The following DAB1 variants were observed in gnomAD, a reference collection of about 807,000 sequenced individuals.
The protein encoded by DAB1 is DAB adaptor protein 1.
Under a neutral mutation model 64.6 loss-of-function variants are expected in DAB1, and 15 were observed. That is an observed-to-expected ratio of 0.23 (90% CI 0.16 to 0.36). The LOEUF is 0.36. Ranked by LOEUF, DAB1 falls within the 10% of genes least tolerant of loss-of-function variation. DAB1 has a pLI of 1.00. For synonymous variants in DAB1, 235 were observed against 251.9 expected (o/e 0.93, Z 0.64); for missense variants, 596 against 706.7 (o/e 0.84, Z 1.78).
At chr1:57,960,491 A>T (rs1645492057) in intron 5 of DAB1, among the ~76,000 whole-genome samples, 1 of 127,326 alleles carries the variant, frequency 7.9e-6, no homozygotes. Flanking sequence ...AAGGAACCAA[A>T]TTAAAAAAAA....
chr1:58,530,686 A>C (rs764391489), intron 1 of DAB1: 10 of 872,744 alleles, frequency 1.1e-5, no homozygotes, highest in Non-Finnish European at 1.8e-5. Flanking sequence ...GAGGAAAATC[A>C]TACCTAGGAA....
intron 4 of DAB1, among the ~76,000 whole-genome samples, chr1:58,268,309 A>G (rs1661225354): frequency 6.6e-6 from 1 of 152,182 alleles, no homozygotes; most frequent in African/African-American, 2.4e-5. Context: ...TATATTTAAG[A>G]CCTGAGTGAA....
chr1:58,221,773 A>G (rs1659183518), intron 4 of DAB1, among the ~76,000 whole-genome samples: 1 of 152,216 alleles, frequency 6.6e-6, no homozygotes, highest in Admixed American at 6.5e-5. Flanking sequence ...CTCTGTGCCA[A>G]TGATGGCCAG....
At chr1:57,651,652 T>G (rs1394327085) in intron 6 of DAB1, among the ~76,000 whole-genome samples, 1 of 151,082 alleles carries the variant, frequency 6.6e-6, no homozygotes, top group African/African-American at 2.5e-5. Context: ...ACGGGTTTAT[T>G]GTAGAAAACA....
At chr1:57,040,929 G>A (rs1647692075) in intron 9 of DAB1, among the ~76,000 whole-genome samples, 1 of 152,204 alleles carries the variant, frequency 6.6e-6, no homozygotes, top group African/African-American at 2.4e-5. Flanking sequence ...ACTTCTCAGA[G>A]TCAGTCATCT....
chr1:57,272,953 C>T (rs1671129727), intron 2 of DAB1, among the ~76,000 whole-genome samples: 1 of 152,150 alleles, frequency 6.6e-6, no homozygotes, highest in South Asian at 2.1e-4. Flanking sequence ...CTTGGGCTAT[C>T]AATGTAATAG....
chr1:57,389,115 A>C (rs754948041), intron 1 of DAB1, among the ~76,000 whole-genome samples: 1 of 152,140 alleles, frequency 6.6e-6, no homozygotes, highest in Non-Finnish European at 1.5e-5. Flanking sequence ...TGCACCCCCA[A>C]ACACAGCCTC....
intron 2 of DAB1, among the ~76,000 whole-genome samples, chr1:57,196,636 G>A (rs1423817714): frequency 3.3e-5 from 5 of 152,048 alleles, no homozygotes; most frequent in Non-Finnish European, 7.3e-5. Context: ...CTTTCAAAGG[G>A]GTCAACCACA....
chr1:58,172,353 G>A (rs548316362), intron 4 of DAB1, among the ~76,000 whole-genome samples: 48 of 152,330 alleles, frequency 3.2e-4, no homozygotes, highest in Non-Finnish European at 4.6e-4. Flanking sequence ...ACGGGTAGTT[G>A]TGGTGGTGGC....
At position 57,015,171 on chromosome 1, in the gene DAB1, G is replaced by A. The variant is rs187717534; in HGVS notation, c.1156C>T (p.Pro386Ser). The A allele has an allele frequency of 2.4e-5, 38 of 1,614,146 alleles. 1 individual carries two copies. The Admixed American group carries it at 6.0e-4, about 25-fold the overall frequency. Residue 386 changes from proline to serine, a missense_variant, in exon 12 of 15, where the codon CCC becomes TCC. By Grantham distance (74) the Pro-to-Ser change is moderately conservative (BLOSUM62 -1). Coordinates refer to ENST00000371236, the MANE Select transcript of DAB1 (RefSeq NM_001365792.1). The stretch of plus-strand genomic sequence containing the variant: ...CTCGTGCCTGGGACGGTGGCAAGGG[G>A]GGTGAGGGGACCTTGGAACATGGCA... Reference protein sequence around the residue: ...PAAMFQGPLTPLATVPGTSDS... With the variant: ...PAAMFQGPLTSLATVPGTSDS...
intron 3 of DAB1, among the ~76,000 whole-genome samples, chr1:58,485,051 A>G (rs918484667): frequency 6.6e-6 from 1 of 152,002 alleles, no homozygotes; most frequent in African/African-American, 2.4e-5. Flanking sequence ...ACTTTGGGTG[A>G]TAATGATGGG....
chr1:57,973,756 G>A (rs1645852830), intron 5 of DAB1, among the ~76,000 whole-genome samples: 1 of 151,996 alleles, frequency 6.6e-6, no homozygotes, highest in South Asian at 2.1e-4. Flanking sequence ...TTCACTACTA[G>A]CGTTCTTCTC....
chr1:58,352,685 C>T (rs1165210658), intron 3 of DAB1, among the ~76,000 whole-genome samples: 1 of 152,124 alleles, frequency 6.6e-6, no homozygotes, highest in Non-Finnish European at 1.5e-5. Context: ...ACTGCTATGG[C>T]CTGAATGTTT....
chr1:58,475,259 G>A (rs915841581), intron 3 of DAB1, among the ~76,000 whole-genome samples: 8 of 152,048 alleles, frequency 5.3e-5, no homozygotes, highest in African/African-American at 1.9e-4. Context: ...GGGCTCAAGC[G>A]ATACTCCTGT....
chr1:58,282,227 T>C (rs1323161168), intron 4 of DAB1, among the ~76,000 whole-genome samples: 3 of 152,194 alleles, frequency 2.0e-5, no homozygotes, highest in African/African-American at 7.2e-5. Flanking sequence ...GGGGATATGA[T>C]GCTGCTACAC....
intron 6 of DAB1, among the ~76,000 whole-genome samples, chr1:57,812,930 C>A (rs541710409): frequency 2.0e-5 from 3 of 152,172 alleles, no homozygotes; most frequent in Admixed American, 2.0e-4. Flanking sequence ...ATTGTTTCAA[C>A]TGCTGCTCTG....
At chr1:57,690,766 T>A (rs1280261315) in intron 6 of DAB1, among the ~76,000 whole-genome samples, 1 of 152,170 alleles carries the variant, frequency 6.6e-6, no homozygotes, top group African/African-American at 2.4e-5. Flanking sequence ...CCACCAACAG[T>A]GTGTGACAGC....
At chr1:57,233,503 G>C (rs1337802416) in intron 2 of DAB1, among the ~76,000 whole-genome samples, 1 of 151,942 alleles carries the variant, frequency 6.6e-6, no homozygotes, top group Non-Finnish European at 1.5e-5. Flanking sequence ...GCTCACACCT[G>C]TAATCCCAGC....
At chr1:57,302,504 C>T (rs61767397) in intron 1 of DAB1, among the ~76,000 whole-genome samples, 24,070 of 152,062 alleles carry the variant, frequency 0.16, 3,174 homozygotes, top group African/African-American at 0.37. Flanking sequence ...TGGGCAGCTC[C>T]CGAATGGGAG....
Sources: gnomAD v4.1 joint callset for allele counts (sites outside exome capture counted in the v4.1 genomes callset) on GRCh38, gnomAD v4.1.1 for gene constraint, MANE v1.5 for transcripts, NCBI Gene and HGNC (gene_info 2026-07-23, HGNC 2026-07-21) for gene names.